Variants in ADAM22 observed in about 807,000 individuals in gnomAD.
ADAM22 encodes the protein disintegrin and metalloproteinase domain-containing protein 22.
ADAM22 carries 65 observed loss-of-function variants against 144.6 expected under a neutral mutation model. The observed-to-expected ratio is 0.45, with a 90% CI of 0.37 to 0.55. ADAM22 has a LOEUF of 0.55. Among genes scored for constraint, ADAM22 ranks in the 20% least tolerant of loss-of-function variants. The probability of loss-of-function intolerance (pLI) is 0.00; values close to 1 mark genes in which losing one functional copy is unlikely to be tolerated. For synonymous variants in ADAM22, 391 were observed against 412.6 expected (o/e 0.95, Z 0.63); for missense variants, 974 against 1,184.9 (o/e 0.82, Z 2.61).
At chr7:87,990,536 A>C (rs1231512760) in intron 3 of ADAM22, among the ~76,000 whole-genome samples, 1 of 152,208 alleles carries the variant, frequency 6.6e-6, no homozygotes, top group African/African-American at 2.4e-5. Flanking sequence ...CCTCCAATGT[A>C]CACTTTCCCT....
chr7:88,013,430 A>G (rs1329844000), intron 3 of ADAM22, among the ~76,000 whole-genome samples: 1 of 151,844 alleles, frequency 6.6e-6, no homozygotes, highest in Non-Finnish European at 1.5e-5. Flanking sequence ...TTTCTTATTA[A>G]TTTTCATTTT....
At chr7:87,999,987 TAA>T (rs201224958) in intron 3 of ADAM22, among the ~76,000 whole-genome samples, 20 of 132,022 alleles carry the variant, frequency 1.5e-4, no homozygotes, top group Non-Finnish European at 1.5e-4. Context: ...AGCACATCTC[TAA>T]AAAAAAAAAA....
At chr7:88,009,432 T>G (rs1387279117) in intron 3 of ADAM22, among the ~76,000 whole-genome samples, 2 of 152,200 alleles carry the variant, frequency 1.3e-5, no homozygotes, top group Non-Finnish European at 2.9e-5. Context: ...TTTGTCTGAA[T>G]TATTTTATTT....
chr7:88,022,809 GA>G (rs1323527420), intron 3 of ADAM22, among the ~76,000 whole-genome samples: 1 of 151,814 alleles, frequency 6.6e-6, no homozygotes, highest in Non-Finnish European at 1.5e-5. Flanking sequence ...ATTTTTCTGA[GA>G]AAAAAACTAT....
chr7:88,054,397 T>A (rs1023556102), intron 3 of ADAM22, among the ~76,000 whole-genome samples: 3 of 152,116 alleles, frequency 2.0e-5, no homozygotes, highest in Non-Finnish European at 4.4e-5. Flanking sequence ...TCTCAGTTTT[T>A]CTGTTGTTAT....
chr7:87,993,599 A>G (rs898983845), intron 3 of ADAM22, among the ~76,000 whole-genome samples: 1 of 152,084 alleles, frequency 6.6e-6, no homozygotes, highest in Non-Finnish European at 1.5e-5. Flanking sequence ...TCCTTCCAGC[A>G]CCTTACCTGT....
At chr7:88,006,555 G>A (rs1472367193) in intron 3 of ADAM22, among the ~76,000 whole-genome samples, 1 of 151,362 alleles carries the variant, frequency 6.6e-6, no homozygotes, top group African/African-American at 2.4e-5. Context: ...TATCCACCAT[G>A]ATCAAGTGGG....
intron 2 of ADAM22, among the ~76,000 whole-genome samples, chr7:87,936,078 G>T (rs545987991): frequency 1.2e-4 from 19 of 152,160 alleles, no homozygotes; most frequent in Non-Finnish European, 2.2e-4. Context: ...CTTTTCACAT[G>T]TATAAATATA....
intron 3 of ADAM22, among the ~76,000 whole-genome samples, chr7:88,005,882 G>A (rs1349506450): frequency 6.6e-6 from 1 of 151,896 alleles, no homozygotes; most frequent in Non-Finnish European, 1.5e-5. Context: ...AAGCTGACAA[G>A]TACCACAAAA....
At chr7:88,027,938 G>A (rs1437037229) in intron 3 of ADAM22, among the ~76,000 whole-genome samples, 1 of 151,922 alleles carries the variant, frequency 6.6e-6, no homozygotes, top group African/African-American at 2.4e-5. Flanking sequence ...TTACAGGCAT[G>A]TGCCACCACA....
At chr7:88,085,519 G>A (rs1019035872) in intron 4 of ADAM22, among the ~76,000 whole-genome samples, 2 of 152,176 alleles carry the variant, frequency 1.3e-5, no homozygotes, top group Non-Finnish European at 2.9e-5. Context: ...TTCAAAGCCA[G>A]CCTGGGTAAC....
chr7:87,951,404 T>A (rs1376181458), intron 2 of ADAM22, among the ~76,000 whole-genome samples: 1 of 107,608 alleles, frequency 9.3e-6, no homozygotes, highest in Admixed American at 8.4e-5. Flanking sequence ...GGAATCCTTT[T>A]CCCCATTGCT....
Position 88,091,937 on chromosome 7 carries a change from T to G in ADAM22, c.391-16239T>G, listed in dbSNP as rs1388946905. 2.0e-5 allele frequency among the ~76,000 whole-genome samples: 3 copies of G among 152,158 alleles called. No homozygotes were observed. In the East Asian group the frequency reaches 5.8e-4, roughly 29 times the overall value. On this transcript the variant is annotated intron_variant, in intron 4 of 31. Coordinates refer to ENST00000413139, the MANE Select transcript of ADAM22 (RefSeq NM_001324418.2). ...TTTCTTTATTCCAAAGACCAATGCC[T>G]TCTAAAGACTCCCCCACCCCCCGCT...
At chr7:88,103,055 G>T (rs1823381894) in intron 4 of ADAM22, among the ~76,000 whole-genome samples, 1 of 152,146 alleles carries the variant, frequency 6.6e-6, no homozygotes, top group African/African-American at 2.4e-5. Context: ...GGAAGAGGTT[G>T]CAGTATGGTT....
At chr7:88,021,828 G>A (rs973787768) in intron 3 of ADAM22, among the ~76,000 whole-genome samples, 1 of 151,922 alleles carries the variant, frequency 6.6e-6, no homozygotes, top group Non-Finnish European at 1.5e-5. Flanking sequence ...AGAGACAATG[G>A]TATAAAGTTT....
At chr7:88,115,338 ATGATC>A (rs1363549936) in intron 6 of ADAM22, among the ~76,000 whole-genome samples, 2 of 152,176 alleles carry the variant, frequency 1.3e-5, no homozygotes, top group Non-Finnish European at 2.9e-5. Flanking sequence ...CTAATGTGTT[ATGATC>A]TGTCTTAGTT....
chr7:88,008,763 G>T (rs1159104690), intron 3 of ADAM22, among the ~76,000 whole-genome samples: 1 of 151,920 alleles, frequency 6.6e-6, no homozygotes, highest in African/African-American at 2.4e-5. Flanking sequence ...GGTGGGGGTA[G>T]GGGGTATAGC....
chr7:88,068,657 G>A (rs1462914693), intron 3 of ADAM22, among the ~76,000 whole-genome samples: 1 of 152,094 alleles, frequency 6.6e-6, no homozygotes, highest in Non-Finnish European at 1.5e-5. Flanking sequence ...GGTCAACTGG[G>A]CAGATATGCT....
At chr7:87,989,050 T>C (rs568181761) in intron 3 of ADAM22, among the ~76,000 whole-genome samples, 25 of 152,352 alleles carry the variant, frequency 1.6e-4, no homozygotes, top group African/African-American at 5.8e-4. Context: ...GTATGCTTTG[T>C]TTCCAGAGTC....
Sources: allele counts gnomAD v4.1 joint callset (sites outside exome capture counted in the v4.1 genomes callset), GRCh38; gene constraint gnomAD v4.1.1; transcripts MANE v1.5; gene names NCBI Gene and HGNC (gene_info 2026-07-23, HGNC 2026-07-21).